Variants in MBOAT1 observed in about 807,000 individuals in gnomAD.
The protein encoded by MBOAT1 is membrane-bound glycerophospholipid O-acyltransferase 1.
A neutral mutation model predicts 64.4 loss-of-function variants in MBOAT1; 67 were observed. The ratio of observed to expected loss-of-function variants is 1.04; its 90% CI spans 0.85 to 1.27. MBOAT1 has a LOEUF of 1.27. MBOAT1 is among the 50% of genes most tolerant of loss of function. MBOAT1 has a pLI of 0.00. For synonymous variants in MBOAT1, 229 were observed against 218.9 expected, an observed-to-expected ratio of 1.05 and a Z score of -0.41; for missense variants, 563 against 604.6, an observed-to-expected ratio of 0.93 and a Z score of 0.72.
At chr6:20,141,239 A>G (rs1051485777) in intron 4 of MBOAT1, among the ~76,000 whole-genome samples, 1 of 152,154 alleles carries the variant, frequency 6.6e-6, no homozygotes, top group African/African-American at 2.4e-5. Context: ...GCAGACCACA[A>G]ACTTTTCTGC....
intron 5 of MBOAT1, among the ~76,000 whole-genome samples, chr6:20,130,815 G>A (rs1581410383): frequency 6.6e-6 from 1 of 152,130 alleles, no homozygotes; most frequent in East Asian, 1.9e-4. Flanking sequence ...AAGCTAAAAG[G>A]ATGTCATTTC....
At chr6:20,119,438 A>G (rs1760428324) in intron 8 of MBOAT1, among the ~76,000 whole-genome samples, 1 of 152,224 alleles carries the variant, frequency 6.6e-6, no homozygotes, top group Non-Finnish European at 1.5e-5. Flanking sequence ...AAAATGAACT[A>G]ATCAAAATAA....
chr6:20,189,978 GTT>G (rs879497541), intron 1 of MBOAT1, among the ~76,000 whole-genome samples: 5 of 147,012 alleles, frequency 3.4e-5, no homozygotes, highest in Non-Finnish European at 7.5e-5. Flanking sequence ...AAAGCTCTAA[GTT>G]TTTTTTTTTT....
At chr6:20,103,391 C>A (rs1437056929) in intron 12 of MBOAT1, among the ~76,000 whole-genome samples, 2 of 152,026 alleles carry the variant, frequency 1.3e-5, no homozygotes, top group Non-Finnish European at 2.9e-5. Context: ...TATACCTGTA[C>A]CACGTTTTTG....
chr6:20,141,704 G>A lies in MBOAT1; in HGVS notation c.419+2516C>T, dbSNP rs1761181798. Among the ~76,000 whole-genome samples the A allele has an allele frequency of 2.0e-5, 3 of 152,006 alleles. No individual in the cohort carries two copies. The South Asian group carries it at 6.2e-4, about 32-fold the overall frequency. ...GCCTGGCCTAGAACCTCATTCTGAT[G>A]AGTGTAGAGAGCACAGACTGGAGAC... On this transcript the variant is annotated intron_variant, in intron 4 of 12. Transcript: ENST00000324607.
At chr6:20,203,090 G>A (rs1763167505) in intron 1 of MBOAT1, among the ~76,000 whole-genome samples, 1 of 152,152 alleles carries the variant, frequency 6.6e-6, no homozygotes, top group African/African-American at 2.4e-5. Flanking sequence ...GATCACTTAA[G>A]CCCAGGAGTT....
chr6:20,113,046 T>C (rs1331562027), intron 10 of MBOAT1, 38 bp from the exon 11 acceptor site: 2 of 1,598,786 alleles, frequency 1.3e-6, no homozygotes, highest in Non-Finnish European at 8.5e-7. Flanking sequence ...AGGTGAAACA[T>C]ACCAGAAACT....
chr6:20,190,454 A>G (rs1438054544), intron 1 of MBOAT1, among the ~76,000 whole-genome samples: 1 of 152,206 alleles, frequency 6.6e-6, no homozygotes, highest in East Asian at 1.9e-4. Context: ...CCATTTCAGA[A>G]CTACATAGAT....
At chr6:20,198,124 A>C (rs1396007751) in intron 1 of MBOAT1, among the ~76,000 whole-genome samples, 1 of 151,290 alleles carries the variant, frequency 6.6e-6, no homozygotes, top group African/African-American at 2.4e-5. Context: ...GCTACTTGGG[A>C]GGTTGAGGCA....
chr6:20,124,362 G>A (rs1331941182), intron 8 of MBOAT1, 46 bp downstream of exon 8: 1 of 1,573,404 alleles, frequency 6.4e-7, no homozygotes, highest in Non-Finnish European at 8.7e-7. Context: ...CATTCAAGCA[G>A]TAGCATTTTT....
chr6:20,120,820 G>A (rs566325426), intron 8 of MBOAT1, among the ~76,000 whole-genome samples: 22 of 152,264 alleles, frequency 1.4e-4, no homozygotes, highest in East Asian at 5.8e-4. Flanking sequence ...ACACTGAGCC[G>A]ATATCGGAAT....
chr6:20,166,684 T>C (rs1358335849), intron 1 of MBOAT1, among the ~76,000 whole-genome samples: 3 of 152,096 alleles, frequency 2.0e-5, no homozygotes, highest in Non-Finnish European at 4.4e-5. Flanking sequence ...GATGCTATAA[T>C]CCCAGCACTT....
intron 10 of MBOAT1, among the ~76,000 whole-genome samples, chr6:20,113,419 G>A (rs917157202): frequency 3.3e-5 from 5 of 152,156 alleles, no homozygotes; most frequent in Non-Finnish European, 7.3e-5. Context: ...TTCGGAATCA[G>A]GGTCTTTAGA....
chr6:20,118,545 G>T lies in MBOAT1; in HGVS notation c.908-5C>A, dbSNP rs756079556. The stretch of plus-strand genomic sequence containing the variant: ...CTGCGTTATTCACTGCATCAGCTAT[G>T]GTTTTTAAAGTAACACATTAGGATA... On this transcript the variant is annotated splice_polypyrimidine_tract_variant and splice_region_variant and intron_variant, in intron 8 of 12. Coordinates refer to ENST00000324607, the MANE Select transcript of MBOAT1 (RefSeq NM_001080480.3). 6.2e-7 allele frequency: 1 copy of T among 1,609,576 alleles called. No individual in the cohort carries two copies. The highest frequency in any genetic ancestry group is 8.5e-7 in the Non-Finnish European group (1 of 1,176,848).
At chr6:20,110,205 G>A (rs574339873) in intron 11 of MBOAT1, among the ~76,000 whole-genome samples, 13 of 139,500 alleles carry the variant, frequency 9.3e-5, no homozygotes, top group Non-Finnish European at 1.6e-4. Flanking sequence ...CACCGCGCCC[G>A]GCCCAGGACT....
intron 4 of MBOAT1, among the ~76,000 whole-genome samples, chr6:20,139,196 G>A (rs1007604026): frequency 3.9e-5 from 6 of 152,112 alleles, no homozygotes; most frequent in Non-Finnish European, 7.4e-5. Context: ...TGTGGTCTCC[G>A]CTCCCTACAA....
chr6:20,189,430 C>T (rs141326075), intron 1 of MBOAT1, among the ~76,000 whole-genome samples: 1,797 of 152,144 alleles, frequency 0.012, 16 homozygotes, highest in Non-Finnish European at 0.017. Context: ...CACTATGTTG[C>T]CCAGGCTGGA....
rs187166738 is a variant in MBOAT1 at position 20,202,121 on chromosome 6, A to G, written c.99+10015T>C. 2.6e-4 allele frequency among the ~76,000 whole-genome samples: 40 copies of G among 152,276 alleles called. No homozygotes were observed. In the South Asian group the frequency reaches 3.3e-3, roughly 13 times the overall value. On this transcript the variant is annotated intron_variant, in intron 1 of 12. Transcript: ENST00000324607. Reference sequence around the variant, plus strand: ...ACTTTTGAGTTTAGCAACTTCCTGTAAGCCTTAGCAACCTTTTGCTGTGTA... The same window carrying G: ...ACTTTTGAGTTTAGCAACTTCCTGTGAGCCTTAGCAACCTTTTGCTGTGTA...
intron 1 of MBOAT1, among the ~76,000 whole-genome samples, chr6:20,200,393 G>A (rs1443531253): frequency 1.3e-5 from 2 of 152,164 alleles, no homozygotes; most frequent in Non-Finnish European, 2.9e-5. Flanking sequence ...CAACCCTTCT[G>A]CACTAAGGTT....
Sources: allele counts gnomAD v4.1 joint callset (sites outside exome capture counted in the v4.1 genomes callset), GRCh38; gene constraint gnomAD v4.1.1; transcripts MANE v1.5; gene names NCBI Gene and HGNC (gene_info 2026-07-23, HGNC 2026-07-21).